Variants in GBF1 observed in about 807,000 individuals in gnomAD.
GBF1 encodes the protein golgi brefeldin A resistant guanine nucleotide exchange factor 1.
A neutral mutation model predicts 210.5 loss-of-function variants in GBF1; 114 were observed. The ratio of observed to expected loss-of-function variants is 0.54; its 90% CI spans 0.47 to 0.63. GBF1 has a LOEUF of 0.63. Among genes scored for constraint, GBF1 ranks in the 30% least tolerant of loss-of-function variants. GBF1 has a pLI of 0.00. For synonymous variants in GBF1, 850 were observed against 889.2 expected (o/e 0.96, Z 0.78); for missense variants, 1,851 against 2,357.7 (o/e 0.79, Z 4.45).
At chr10:102,371,672 T>C (rs979511078) in intron 29 of GBF1, among the ~76,000 whole-genome samples, 6 of 152,232 alleles carry the variant, frequency 3.9e-5, no homozygotes, top group Non-Finnish European at 7.3e-5. Flanking sequence ...TTCATGCCTG[T>C]AATCTCAGCA....
chr10:102,307,127 G>A (rs970308126), intron 3 of GBF1, among the ~76,000 whole-genome samples: 1 of 151,950 alleles, frequency 6.6e-6, no homozygotes, highest in Admixed American at 6.6e-5. Flanking sequence ...GCCTTGTGCT[G>A]TAGAGGCTTT....
intron 3 of GBF1, among the ~76,000 whole-genome samples, chr10:102,302,986 C>CTTTTT (rs1210930617): frequency 3.2e-5 from 4 of 125,056 alleles, no homozygotes; most frequent in Admixed American, 8.3e-5. Flanking sequence ...CCATTTTAAG[C>CTTTTT]TTTTTTTTTT....
intron 3 of GBF1, among the ~76,000 whole-genome samples, chr10:102,338,470 G>T (rs113994739): frequency 6.6e-6 from 1 of 151,568 alleles, no homozygotes; most frequent in Admixed American, 6.6e-5. Flanking sequence ...TCTGAAACTC[G>T]TGACCTCAAG....
chr10:102,368,860 G>A, intron 23 of GBF1, 28 bp downstream of exon 23: 3 of 1,465,670 alleles, frequency 2.0e-6, no homozygotes, highest in South Asian at 2.3e-5. Context: ...CTGTGTACTT[G>A]GAGCTCCAAA....
intron 3 of GBF1, among the ~76,000 whole-genome samples, chr10:102,298,403 G>T (rs2077079626): frequency 6.6e-6 from 1 of 152,172 alleles, no homozygotes; most frequent in Non-Finnish European, 1.5e-5. Context: ...AAAATTGTGA[G>T]TTTATCTCTA....
chr10:102,270,916 A>G (rs1331285482), intron 3 of GBF1, among the ~76,000 whole-genome samples: 1 of 152,110 alleles, frequency 6.6e-6, no homozygotes, highest in Non-Finnish European at 1.5e-5. Context: ...GGTGGAGTGC[A>G]GTGGTACGAT....
chr10:102,371,658 G>A (rs968159777), intron 29 of GBF1, among the ~76,000 whole-genome samples: 4 of 152,236 alleles, frequency 2.6e-5, no homozygotes, highest in African/African-American at 9.6e-5. Context: ...GCCGGTTGCT[G>A]TGGTTCATGC....
At chr10:102,329,986 AGTAGTCTTAGCCACTCAGGAGTTG>A (rs1287637412) in intron 3 of GBF1, among the ~76,000 whole-genome samples, 1 of 152,150 alleles carries the variant, frequency 6.6e-6, no homozygotes, top group Non-Finnish European at 1.5e-5. Flanking sequence ...GGCACATGCC[AGTAGTCTTAGCCACTCAGGAGTTG>A]GTAGTCTTAG....
At chr10:102,284,467 C>A (rs1235315345) in intron 3 of GBF1, among the ~76,000 whole-genome samples, 1 of 152,112 alleles carries the variant, frequency 6.6e-6, no homozygotes, top group Admixed American at 6.6e-5. Flanking sequence ...CATTCTGTCT[C>A]TGTAAATTTA....
chr10:102,375,122 T>C (rs1274506558), intron 29 of GBF1, among the ~76,000 whole-genome samples: 1 of 151,670 alleles, frequency 6.6e-6, no homozygotes, highest in African/African-American at 2.4e-5. Context: ...TGCAGTGAGC[T>C]GTGATTGTGC....
chr10:102,338,979 C>T (rs188622012), intron 3 of GBF1, among the ~76,000 whole-genome samples: 2 of 152,062 alleles, frequency 1.3e-5, no homozygotes, highest in Non-Finnish European at 2.9e-5. Flanking sequence ...GCAAGTTTGT[C>T]TTAAATTGAA....
chr10:102,230,682 CGCGGCGGCGGCGGCG>C, the GBF1 span: 1 of 1,578,618 alleles, frequency 6.3e-7, no homozygotes, highest in Non-Finnish European at 8.6e-7. Flanking sequence ...AGGCGGCAGC[CGCGGCGGCGGCGGCG>C]GCCGAGGCAT....
In GBF1 at chr10:102,292,349, C is replaced by T. The variant is rs373273799; in HGVS notation, c.163+32233C>T. ...AAGAAAATTGGACCAAACGATCTCTCAAGTATGATGTATGTATGTACTTGT... is the reference window on the plus strand; with the variant it reads ...AAGAAAATTGGACCAAACGATCTCTTAAGTATGATGTATGTATGTACTTGT... On this transcript the variant is annotated intron_variant, in intron 3 of 39. Coordinates refer to ENST00000369983, the MANE Select transcript of GBF1 (RefSeq NM_001377137.1). Among the ~76,000 whole-genome samples, 110 of 152,106 alleles carry T rather than the reference C, an allele frequency of 7.2e-4. 1 individual carries two copies. In the South Asian group the frequency reaches 0.023, roughly 31 times the overall value.
At chr10:102,310,857 C>T (rs1343118620) in intron 3 of GBF1, among the ~76,000 whole-genome samples, 1 of 152,236 alleles carries the variant, frequency 6.6e-6, no homozygotes, top group Non-Finnish European at 1.5e-5. Context: ...GCTGATTGAA[C>T]TTGAAAAGCC....
chr10:102,272,636 C>G (rs2074551312), intron 3 of GBF1, among the ~76,000 whole-genome samples: 1 of 152,156 alleles, frequency 6.6e-6, no homozygotes, highest in Admixed American at 6.5e-5. Context: ...TTTTCTAATT[C>G]TGTCATTTTT....
At chr10:102,287,795 C>G (rs12782556) in intron 3 of GBF1, among the ~76,000 whole-genome samples, 19,555 of 152,142 alleles carry the variant, frequency 0.13, 1,517 homozygotes, top group Non-Finnish European at 0.17. Context: ...AACCATCACT[C>G]CTGCTATATT....
chr10:102,370,960 C>A, intron 29 of GBF1, 100 bp downstream of exon 29: 1 of 1,160,080 alleles, frequency 8.6e-7, no homozygotes, highest in Non-Finnish European at 1.2e-6. Flanking sequence ...ACATTTAGTG[C>A]CCCATAGCAT....
chr10:102,245,259 C>T (rs1389577014), upstream of GBF1, among the ~76,000 whole-genome samples: 1 of 152,206 alleles, frequency 6.6e-6, no homozygotes, highest in Admixed American at 6.5e-5. Context: ...CGAACTCTAC[C>T]TAACTCCACC....
chr10:102,352,405 G>C lies in GBF1; in HGVS notation c.524-53G>C, dbSNP rs2059047081. The C allele has an allele frequency of 1.4e-5, 17 of 1,228,838 alleles. No homozygotes were observed. The East Asian group carries it at 3.7e-4, about 27-fold the overall frequency. 76.1% of individuals were successfully genotyped at this position (1,228,838 alleles called of 1,614,324 possible). ...GGGAGTCTGCTCTGAGAACCCTCTT[G>C]ATAATAGCACAGCAAGTAATGACAC... On this transcript the variant is annotated intron_variant, in intron 6 of 39. Transcript: ENST00000369983.
Sources: allele counts gnomAD v4.1 joint callset (sites outside exome capture counted in the v4.1 genomes callset), GRCh38; gene constraint gnomAD v4.1.1; transcripts MANE v1.5; gene names NCBI Gene and HGNC (gene_info 2026-07-23, HGNC 2026-07-21).